Variants in CACHD1 observed in about 807,000 individuals in gnomAD.
The protein encoded by CACHD1 is cache domain containing 1.
Under a neutral mutation model 138.7 loss-of-function variants are expected in CACHD1, and 71 were observed. The ratio of observed to expected loss-of-function variants is 0.51; its 90% confidence interval spans 0.42 to 0.62. The LOEUF is 0.62. CACHD1 is among the 20% of genes least tolerant of loss of function. CACHD1 has a pLI of 0.00. For synonymous variants in CACHD1, 578 were observed against 591.5 expected, an observed-to-expected ratio of 0.98 and a Z score of 0.33; for missense variants, 1,389 against 1,625.3, an observed-to-expected ratio of 0.85 and a Z score of 2.50.
intron 4 of CACHD1, among the ~76,000 whole-genome samples, chr1:64,617,085 G>A (rs1384621818): frequency 2.0e-5 from 3 of 151,138 alleles, no homozygotes; most frequent in African/African-American, 7.3e-5. Context: ...AATGTCTCAG[G>A]TTAGTTGCCC....
intron 2 of CACHD1, among the ~76,000 whole-genome samples, chr1:64,556,217 G>A (rs1570362440): frequency 6.6e-6 from 1 of 152,136 alleles, no homozygotes; most frequent in Non-Finnish European, 1.5e-5. Context: ...CTTTGTTTGA[G>A]GACTCAGTCT....
At position 64,505,661 on chromosome 1, in the gene CACHD1, T is replaced by C. The variant is rs1570312315; in HGVS notation, c.198+34719T>C. ...GGGCGAACCCCAACACCTCCACCTCTTCCCCCTCCCTGGGCGCACCCCATC... is the reference window on the plus strand; with the variant it reads ...GGGCGAACCCCAACACCTCCACCTCCTCCCCCTCCCTGGGCGCACCCCATC... On this transcript the variant is annotated intron_variant, in intron 1 of 26. Coordinates refer to ENST00000651257, the MANE Select transcript of CACHD1 (RefSeq NM_020925.4). Among the ~76,000 whole-genome samples the C allele has an allele frequency of 3.2e-5, 4 of 125,946 alleles. No homozygotes were observed. The South Asian group carries it at 1.1e-3, about 36-fold the overall frequency. 82.6% of individuals were successfully genotyped at this position (125,946 alleles called of 152,430 possible).
intron 1 of CACHD1, among the ~76,000 whole-genome samples, chr1:64,543,498 C>A (rs1349117870): frequency 6.6e-6 from 1 of 150,742 alleles, no homozygotes; most frequent in African/African-American, 2.4e-5. Context: ...ATCACTTGAG[C>A]CCAGGAATTC....
chr1:64,545,671 G>A (rs893554860), intron 1 of CACHD1, among the ~76,000 whole-genome samples: 5 of 152,176 alleles, frequency 3.3e-5, no homozygotes, highest in Non-Finnish European at 5.9e-5. Context: ...ACATTGTTGT[G>A]TACTGTACTT....
intron 1 of CACHD1, among the ~76,000 whole-genome samples, chr1:64,471,998 A>G (rs1646148294): frequency 6.6e-6 from 1 of 152,118 alleles, no homozygotes. Flanking sequence ...TCTTAGATAA[A>G]ATAACACCAT....
At chr1:64,656,652 ATTC>A (rs761118707) in intron 12 of CACHD1, among the ~76,000 whole-genome samples, 28 of 152,150 alleles carry the variant, frequency 1.8e-4, no homozygotes, top group Non-Finnish European at 3.4e-4. Flanking sequence ...AATTCTGGTT[ATTC>A]TTCTTAGGCA....
chr1:64,475,647 C>T (rs777044728), intron 1 of CACHD1, among the ~76,000 whole-genome samples: 1 of 152,004 alleles, frequency 6.6e-6, no homozygotes, highest in Non-Finnish European at 1.5e-5. Context: ...ACCGGGTTCA[C>T]GCCATTCTCC....
chr1:64,668,152 C>A (rs1039759184), intron 16 of CACHD1, among the ~76,000 whole-genome samples: 2 of 151,994 alleles, frequency 1.3e-5, no homozygotes, highest in Admixed American at 1.3e-4. Context: ...CATGGTGAAA[C>A]CCCGTCTGTA....
At chr1:64,506,639 C>G (rs373397924) in intron 1 of CACHD1, among the ~76,000 whole-genome samples, 65 of 152,150 alleles carry the variant, frequency 4.3e-4, no homozygotes, top group African/African-American at 1.5e-3. Flanking sequence ...TTTTTCCTAG[C>G]TGGAATTAAG....
At chr1:64,684,910 A>C (rs902131953) in intron 26 of CACHD1, among the ~76,000 whole-genome samples, 3 of 152,170 alleles carry the variant, frequency 2.0e-5, no homozygotes, top group African/African-American at 7.2e-5. Context: ...CCTGGGTTCA[A>C]GCGATTCTCC....
intron 13 of CACHD1, among the ~76,000 whole-genome samples, chr1:64,661,575 C>G (rs1474381290): frequency 6.6e-6 from 1 of 152,198 alleles, no homozygotes; most frequent in Non-Finnish European, 1.5e-5. Flanking sequence ...GTTATTCTTA[C>G]ACTGTTATTT....
chr1:64,612,030 G>A (rs749150910), intron 4 of CACHD1, among the ~76,000 whole-genome samples: 2 of 152,172 alleles, frequency 1.3e-5, no homozygotes, highest in Non-Finnish European at 2.9e-5. Context: ...GGGGATTGGG[G>A]TGGGGGAACT....
At chr1:64,563,440 G>A (rs1219206731) in intron 2 of CACHD1, among the ~76,000 whole-genome samples, 2 of 152,268 alleles carry the variant, frequency 1.3e-5, no homozygotes, top group African/African-American at 4.8e-5. Context: ...TCACCTGAAA[G>A]CAAGATATAC....
intron 1 of CACHD1, among the ~76,000 whole-genome samples, chr1:64,498,694 T>G (rs1282046520): frequency 6.6e-6 from 1 of 152,148 alleles, no homozygotes; most frequent in Admixed American, 6.5e-5. Context: ...GCATGCAGAG[T>G]CTTAATTTCA....
At chr1:64,489,077 G>A (rs1240393691) in intron 1 of CACHD1, among the ~76,000 whole-genome samples, 17 of 152,150 alleles carry the variant, frequency 1.1e-4, no homozygotes, top group Admixed American at 1.1e-3. Flanking sequence ...GTTCCCTGGA[G>A]GATTGTGTTT....
chr1:64,572,658 C>T (rs968195060), intron 2 of CACHD1, among the ~76,000 whole-genome samples: 9 of 152,200 alleles, frequency 5.9e-5, no homozygotes, highest in Admixed American at 5.9e-4. Context: ...CAGCCTCCCC[C>T]TGTTCTCTGG....
At chr1:64,599,736 C>T (rs771925394) in intron 3 of CACHD1, among the ~76,000 whole-genome samples, 18 of 152,128 alleles carry the variant, frequency 1.2e-4, no homozygotes, top group Non-Finnish European at 2.4e-4. Flanking sequence ...GGAAGTAAAA[C>T]AACCTATAAT....
intron 16 of CACHD1, among the ~76,000 whole-genome samples, chr1:64,670,630 C>T (rs747404296): frequency 2.0e-5 from 3 of 152,166 alleles, no homozygotes; most frequent in Admixed American, 6.5e-5. Context: ...TCTTGAAGTG[C>T]GTTTTCTCTG....
intron 21 of CACHD1, 89 bp from the exon 22 acceptor site, chr1:64,676,806 A>G (rs1163822078): frequency 9.8e-7 from 1 of 1,016,850 alleles, no homozygotes; most frequent in Non-Finnish European, 1.5e-6. Flanking sequence ...TTCAAACCCA[A>G]ATCTGTCTGA....
Sources: allele counts gnomAD v4.1 joint callset (sites outside exome capture counted in the v4.1 genomes callset), GRCh38; gene constraint gnomAD v4.1.1; transcripts MANE v1.5; gene names NCBI Gene and HGNC (gene_info 2026-07-23, HGNC 2026-07-21).